ARHGEF28: variants seen among roughly 807,000 people sequenced by gnomAD.
ARHGEF28 encodes 190 kDa guanine nucleotide exchange factor.
ARHGEF28 carries 152 observed loss-of-function variants against 206.6 expected under a neutral mutation model. The ratio of observed to expected loss-of-function variants is 0.74; its 90% confidence interval spans 0.64 to 0.84. ARHGEF28 has a LOEUF of 0.84. Ranked by LOEUF, ARHGEF28 falls within the 40% of genes least tolerant of loss-of-function variation. The pLI, the probability that ARHGEF28 is intolerant of heterozygous loss-of-function variation, is 0.00. For synonymous variants in ARHGEF28, 763 were observed against 776.4 expected (o/e 0.98, Z 0.29); for missense variants, 2,028 against 2,073.2 (o/e 0.98, Z 0.42).
intron 9 of ARHGEF28, among the ~76,000 whole-genome samples, chr5:73,830,985 A>G (rs1296467465): frequency 6.6e-6 from 1 of 152,216 alleles, no homozygotes; most frequent in African/African-American, 2.4e-5. Flanking sequence ...TACTATAGGT[A>G]TAACATTGAC....
chr5:73,821,294 A>G (rs1044366828), intron 9 of ARHGEF28, among the ~76,000 whole-genome samples: 1 of 152,168 alleles, frequency 6.6e-6, no homozygotes, highest in South Asian at 2.1e-4. Context: ...GAATGTTTCT[A>G]TTGAGGACAC....
intron 35 of ARHGEF28, among the ~76,000 whole-genome samples, chr5:73,940,567 G>A (rs1742538657): frequency 6.6e-6 from 1 of 152,144 alleles, no homozygotes; most frequent in South Asian, 2.1e-4. Context: ...AAAAATAAAT[G>A]GGCATCCCTT....
intron 1 of ARHGEF28, among the ~76,000 whole-genome samples, chr5:73,642,449 T>C (rs952635588): frequency 6.6e-6 from 1 of 152,212 alleles, no homozygotes; most frequent in African/African-American, 2.4e-5. Flanking sequence ...CTAGACACAA[T>C]AGTCTTGACT....
intron 1 of ARHGEF28, among the ~76,000 whole-genome samples, chr5:73,657,942 G>A (rs1745321387): frequency 6.6e-6 from 1 of 151,964 alleles, no homozygotes; most frequent in Non-Finnish European, 1.5e-5. Flanking sequence ...AACACTTCAG[G>A]CAAAGATTCT....
chr5:73,857,595 A>G, intron 14 of ARHGEF28, 61 bp from the exon 15 acceptor site: 1 of 1,501,202 alleles, frequency 6.7e-7, no homozygotes, highest in Non-Finnish European at 9.0e-7. Flanking sequence ...ACATACACAC[A>G]CACGTATATG....
At chr5:73,856,062 C>T (rs1304097415) in intron 14 of ARHGEF28, among the ~76,000 whole-genome samples, 1 of 152,020 alleles carries the variant, frequency 6.6e-6, no homozygotes, top group African/African-American at 2.4e-5. Context: ...TCAAAAAAGG[C>T]CTTCTAAGAG....
At chr5:73,841,822 G>A (rs1758009524) in intron 11 of ARHGEF28, among the ~76,000 whole-genome samples, 1 of 152,060 alleles carries the variant, frequency 6.6e-6, no homozygotes, top group African/African-American at 2.4e-5. Context: ...AAATGGGAAT[G>A]GAATGAATCA....
At position 73,858,114 on chromosome 5, in the gene ARHGEF28, G is replaced by C. The variant is rs1428453127; in HGVS notation, c.1942G>C (p.Glu648Gln). The C allele has an allele frequency of 6.2e-7, 1 of 1,611,232 alleles. No homozygotes were observed. Residue 648 changes from glutamate (E) to glutamine (Q), a missense_variant, in exon 16 of 36, where the codon GAG (glutamate) becomes CAG (glutamine). Physicochemically the swap from Glu to Gln is conservative, Grantham distance 29 (BLOSUM62 2). This residue lies in a region of ARHGEF28 where 1,002 missense variants were observed against 1,015.3 expected (regional missense o/e 0.99). Coordinates refer to ENST00000513042, the MANE Select transcript of ARHGEF28 (RefSeq NM_001177693.2). ...AAAAAGCAAGGATGCCAAAGATAAA[G>C]AGAAGCTGAATCGACATCAGTTTGC... is the stretch of plus-strand genomic sequence containing the variant. The part of the protein sequence containing the change: ...KTKSKDAKDK[E>Q]KLNRHQFAPG...
intron 2 of ARHGEF28, among the ~76,000 whole-genome samples, chr5:73,722,221 ATAAT>A (rs1750000426): frequency 6.6e-6 from 1 of 152,260 alleles, no homozygotes; most frequent in African/African-American, 2.4e-5. Context: ...GGAGGGAAAG[ATAAT>A]TAATATTCTT....
Position 73,886,010 on chromosome 5 carries a change from A to C in ARHGEF28, c.3216A>C (p.Gly1072=), listed in dbSNP as rs1561485962. Residue 1072 remains glycine, a synonymous_variant, in exon 25 of 36, where the codon GGA becomes GGC. Coordinates refer to ENST00000513042, the MANE Select transcript of ARHGEF28 (RefSeq NM_001177693.2). ...ENKTYTKLKN[G]HVFRKQALMS... ...AAACATACACGAAGCTCAAAAATGG[A>C]CATGTGTTTAGGAAGCAGGCACTGA... 6.2e-7 allele frequency: 1 copy of C among 1,613,928 alleles called. No homozygotes were observed.
chr5:73,665,184 A>T (rs1417672184), intron 1 of ARHGEF28, among the ~76,000 whole-genome samples: 1 of 152,112 alleles, frequency 6.6e-6, no homozygotes, highest in Non-Finnish European at 1.5e-5. Flanking sequence ...AGAAGATCTT[A>T]AAAAAACAAT....
intron 9 of ARHGEF28, among the ~76,000 whole-genome samples, chr5:73,802,733 A>C (rs1489264542): frequency 6.6e-6 from 1 of 152,196 alleles, no homozygotes; most frequent in African/African-American, 2.4e-5. Context: ...TTGTTTTATA[A>C]AAAGTTAAAA....
At chr5:73,741,341 ATGTGTGTGTGTGTGTG>A (rs369851573) in intron 2 of ARHGEF28, among the ~76,000 whole-genome samples, 19 of 66,152 alleles carry the variant, frequency 2.9e-4, no homozygotes, top group South Asian at 2.5e-3. Flanking sequence ...TTAAATTTAT[ATGTGTGTGTGTGTGTG>A]TGTGTGTGTG....
rs11337063 is a variant in ARHGEF28, at chr5:73,811,980, CAAA to C, written c.1024+16605_1024+16607del. On this transcript the variant is annotated intron_variant, in intron 9 of 35. Coordinates refer to ENST00000513042, the MANE Select transcript of ARHGEF28 (RefSeq NM_001177693.2). ...CCTAGGCGACAGAGTGAGCCTGTCT[CAAA>C]AAAAAAAAAAAAAAAGCCACAAAAT... 7.2e-3 allele frequency among the ~76,000 whole-genome samples: 829 copies of C among 114,474 alleles called. 15 individuals are homozygous for C. The highest frequency in any genetic ancestry group is 0.023 in the African/African-American group (713 of 31,210). 75.1% of individuals were successfully genotyped at this position (114,474 alleles called of 152,430 possible).
intron 1 of ARHGEF28, among the ~76,000 whole-genome samples, chr5:73,636,884 C>G (rs965664205): frequency 1.3e-5 from 2 of 152,152 alleles, no homozygotes; most frequent in African/African-American, 4.8e-5. Context: ...TTACGAGCAT[C>G]ACGCTTGGCT....
chr5:73,787,378 T>C (rs1300103884), intron 7 of ARHGEF28, among the ~76,000 whole-genome samples: 1 of 152,162 alleles, frequency 6.6e-6, no homozygotes, highest in Non-Finnish European at 1.5e-5. Context: ...TTTGTAACTG[T>C]TGCTTTCATT....
chr5:73,902,840 C>T (rs1399835488), intron 31 of ARHGEF28: 1 of 152,174 alleles, frequency 6.6e-6, no homozygotes, highest in Non-Finnish European at 1.5e-5. Context: ...CACAGTCCAA[C>T]TCATTTCTAT....
chr5:73,641,573 G>A (rs914373179), intron 1 of ARHGEF28, among the ~76,000 whole-genome samples: 12 of 152,094 alleles, frequency 7.9e-5, no homozygotes, highest in African/African-American at 2.4e-4. Context: ...AGAAGGATAT[G>A]GCTTTTTAAT....
intron 2 of ARHGEF28, among the ~76,000 whole-genome samples, chr5:73,707,165 G>T (rs567820462): frequency 2.0e-4 from 30 of 152,284 alleles, no homozygotes; most frequent in Non-Finnish European, 3.7e-4. Flanking sequence ...TCTACCCTAC[G>T]CGAGCAGCTG....
Sources: allele counts gnomAD v4.1 joint callset (sites outside exome capture counted in the v4.1 genomes callset), GRCh38; gene constraint gnomAD v4.1.1; regional missense constraint gnomAD v4.1.1; transcripts MANE v1.5; gene names NCBI Gene and HGNC (gene_info 2026-07-23, HGNC 2026-07-21).